The following TSGA10 variants were observed in gnomAD, a reference collection of about 807,000 sequenced individuals.
TSGA10 encodes the protein testis specific 10.
Under a neutral mutation model 96.6 loss-of-function variants are expected in TSGA10, and 43 were observed. That is an observed-to-expected ratio of 0.44 (90% CI 0.35 to 0.57). TSGA10 has a LOEUF of 0.57. TSGA10 is among the 20% of genes least tolerant of loss of function. The pLI is 0.01. For synonymous variants in TSGA10, 229 were observed against 269.9 expected (o/e 0.85, Z 1.48); for missense variants, 703 against 834.4 (o/e 0.84, Z 1.94).
chr2:99,102,190 T>C, intron 10 of TSGA10: 1 of 1,586,522 alleles, frequency 6.3e-7, no homozygotes. Flanking sequence ...GCTATTCAGT[T>C]AACTTTCAAA....
rs7340290 is a variant in TSGA10, at chr2:99,047,115, C to T, written c.1405-11676G>A. Among the ~76,000 whole-genome samples, 1,329 of 152,188 alleles carry T rather than the reference C, an allele frequency of 8.7e-3. 17 individuals are homozygous for T. The highest frequency in any genetic ancestry group is 0.03 in the African/African-American group (1,249 of 41,534). On this transcript the variant is annotated intron_variant, in intron 16 of 20. Transcript: ENST00000393483. ...CAATCAAAAAAAGTCCAGGACCAGA[C>T]GGATTCATAGCTGAATTCTACAAGA...
At chr2:99,130,579 T>G (rs2093031796) in intron 1 of TSGA10, among the ~76,000 whole-genome samples, 1 of 152,186 alleles carries the variant, frequency 6.6e-6, no homozygotes, top group Non-Finnish European at 1.5e-5. Context: ...GTGTTTCCTG[T>G]TCACTCTGAT....
chr2:99,011,120 T>C (rs1022380788), intron 20 of TSGA10, among the ~76,000 whole-genome samples: 4 of 152,172 alleles, frequency 2.6e-5, no homozygotes, highest in Admixed American at 6.5e-5. Flanking sequence ...CCTAAAGTGA[T>C]GCATCACTTT....
intron 17 of TSGA10, among the ~76,000 whole-genome samples, chr2:99,030,950 T>C (rs928702720): frequency 1.3e-5 from 2 of 152,034 alleles, no homozygotes; most frequent in African/African-American, 2.4e-5. Context: ...ATGCAATTCC[T>C]ATCAAAATTC....
chr2:99,103,841 C>A, intron 10 of TSGA10, 126 bp downstream of exon 10: 3 of 1,170,622 alleles, frequency 2.6e-6, no homozygotes, highest in Non-Finnish European at 1.2e-6. Flanking sequence ...AGGGTTCCTA[C>A]AACTGCTTTT....
At chr2:99,011,288 C>T (rs968183251) in intron 20 of TSGA10, among the ~76,000 whole-genome samples, 4 of 152,048 alleles carry the variant, frequency 2.6e-5, no homozygotes, top group Non-Finnish European at 5.9e-5. Flanking sequence ...ATGTGCCACC[C>T]ACCTGGCTAA....
At chr2:99,025,211 G>A (rs1342570980) in intron 17 of TSGA10, among the ~76,000 whole-genome samples, 1 of 152,190 alleles carries the variant, frequency 6.6e-6, no homozygotes, top group African/African-American at 2.4e-5. Flanking sequence ...CTGGATCAAT[G>A]CATCTTGAAT....
rs892081666 is a variant in TSGA10 at position 99,087,001 on chromosome 2, G to A, written c.612-5604C>T. On this transcript the variant is annotated intron_variant, in intron 10 of 20. Transcript: ENST00000393483. ...GGGCGAATCACGAGGTCAGGAGATT[G>A]AGACCATCCTGGCTAACACAGTGAA... Among the ~76,000 whole-genome samples the A allele has an allele frequency of 2.0e-5, 3 of 151,840 alleles. No individual in the cohort carries two copies. The East Asian group carries it at 5.8e-4, about 30-fold the overall frequency.
chr2:99,009,885 CAT>C (rs1171590327), intron 20 of TSGA10, among the ~76,000 whole-genome samples: 2 of 152,120 alleles, frequency 1.3e-5, no homozygotes, highest in Non-Finnish European at 2.9e-5. Flanking sequence ...CATGTGAGCA[CAT>C]GAGCCACCAC....
intron 10 of TSGA10, among the ~76,000 whole-genome samples, chr2:99,086,011 C>T (rs1385972091): frequency 6.6e-6 from 1 of 152,080 alleles, no homozygotes; most frequent in Non-Finnish European, 1.5e-5. Context: ...TATGGTCAAT[C>T]GATTTTCAAT....
At chr2:99,021,555 C>G (rs1056095055) in intron 17 of TSGA10, among the ~76,000 whole-genome samples, 3 of 152,072 alleles carry the variant, frequency 2.0e-5, no homozygotes, top group African/African-American at 7.2e-5. Flanking sequence ...AAACAAGATG[C>G]TATTACTAGT....
intron 12 of TSGA10, among the ~76,000 whole-genome samples, chr2:99,077,337 A>G (rs2086834803): frequency 6.6e-6 from 1 of 151,830 alleles, no homozygotes. Flanking sequence ...AACATCTGGT[A>G]CATGTCAACA....
At chr2:98,998,818 A>T (rs750806262) in intron 20 of TSGA10, among the ~76,000 whole-genome samples, 12 of 152,184 alleles carry the variant, frequency 7.9e-5, no homozygotes, top group Non-Finnish European at 1.3e-4. Flanking sequence ...CCATTATAGA[A>T]GCTGGGGTAA....
At chr2:99,112,790 G>C (rs907132651) in intron 4 of TSGA10, among the ~76,000 whole-genome samples, 3 of 149,768 alleles carry the variant, frequency 2.0e-5, no homozygotes. Flanking sequence ...TGTGTGCAGG[G>C]AATGTGGGGA....
chr2:99,032,299 A>T (rs1365353889), intron 17 of TSGA10, among the ~76,000 whole-genome samples: 1 of 152,216 alleles, frequency 6.6e-6, no homozygotes, highest in Non-Finnish European at 1.5e-5. Context: ...AGCTCCTTTG[A>T]AAAGGGCAAA....
rs576665849 is a variant in TSGA10, at chr2:99,074,098, C to T, written c.883-1025G>A. On this transcript the variant is annotated intron_variant, in intron 12 of 20. Transcript: ENST00000393483. Reference sequence around the variant, plus strand: ...CGCGATCTCGGCTCACTGCAACCTCCGCCTCCCAGGTTCAAGCGATTCTCC... The same window carrying T: ...CGCGATCTCGGCTCACTGCAACCTCTGCCTCCCAGGTTCAAGCGATTCTCC... Among the ~76,000 whole-genome samples, 11 of 145,302 alleles carry T rather than the reference C, an allele frequency of 7.6e-5. No homozygotes were observed. The South Asian group carries it at 2.4e-3, about 32-fold the overall frequency.
At chr2:98,999,715 T>C (rs1010845073) in intron 20 of TSGA10, among the ~76,000 whole-genome samples, 2 of 152,218 alleles carry the variant, frequency 1.3e-5, no homozygotes, top group Non-Finnish European at 2.9e-5. Flanking sequence ...ATATCAATAA[T>C]GTAAAAGATT....
chr2:99,105,747 A>C, intron 7 of TSGA10, 50 bp from the exon 8 acceptor site: 1 of 1,501,824 alleles, frequency 6.7e-7, no homozygotes, highest in Non-Finnish European at 9.0e-7. Context: ...GAACACATAA[A>C]CATAAAAAAT....
intron 10 of TSGA10, among the ~76,000 whole-genome samples, chr2:99,086,545 T>A (rs1305283551): frequency 6.6e-6 from 1 of 152,184 alleles, no homozygotes; most frequent in African/African-American, 2.4e-5. Context: ...CAATATCCAT[T>A]CTTAATAAGA....
Sources: gnomAD v4.1 joint callset for allele counts (sites outside exome capture counted in the v4.1 genomes callset) on GRCh38, gnomAD v4.1.1 for gene constraint, MANE v1.5 for transcripts, NCBI Gene and HGNC (gene_info 2026-07-23, HGNC 2026-07-21) for gene names.